Variants in TLN2 observed in about 807,000 individuals in gnomAD.
TLN2 encodes the protein talin 2.
In TLN2, 118 loss-of-function variants were observed where a neutral mutation model predicts 294.7. The ratio of observed to expected loss-of-function variants is 0.40; its 90% CI spans 0.34 to 0.47. TLN2 has a LOEUF of 0.47. Among genes scored for constraint, TLN2 ranks in the 20% least tolerant of loss-of-function variants. The probability of loss-of-function intolerance (pLI) is 0.84; values close to 1 mark genes in which losing one functional copy is unlikely to be tolerated. For synonymous variants in TLN2, 1,431 were observed against 1,304.5 expected, an observed-to-expected ratio of 1.10 and a Z score of -2.09; for missense variants, 3,083 against 3,282.2, an observed-to-expected ratio of 0.94 and a Z score of 1.48.
At chr15:62,471,938 T>C (rs1460508003) in intron 1 of TLN2, among the ~76,000 whole-genome samples, 2 of 152,176 alleles carry the variant, frequency 1.3e-5, no homozygotes, top group African/African-American at 2.4e-5. Flanking sequence ...TCTGCCCAGC[T>C]CGCAGTGGTG....
rs188123538 is a variant in TLN2 at position 62,545,129 on chromosome 15, G to A, written c.-237-44558G>A. ...TTTTTTTTGTATTTTTAGTAGAGACGGGGTTTCACTGTGTTAGCCAGGATG... is the reference window on the plus strand; with the variant it reads ...TTTTTTTTGTATTTTTAGTAGAGACAGGGTTTCACTGTGTTAGCCAGGATG... On this transcript the variant is annotated intron_variant, in intron 1 of 58. Coordinates refer to ENST00000636159, the MANE Select transcript of TLN2 (RefSeq NM_015059.3). Among the ~76,000 whole-genome samples the A allele has an allele frequency of 1.5e-3, 228 of 151,262 alleles. 3 individuals are homozygous for A. The East Asian group carries it at 0.022, about 15-fold the overall frequency.
intron 1 of TLN2, among the ~76,000 whole-genome samples, chr15:62,560,453 C>G (rs1002619978): frequency 6.6e-6 from 1 of 152,092 alleles, no homozygotes; most frequent in African/African-American, 2.4e-5. Flanking sequence ...AGTGGGCCCG[C>G]CTAGCTGGGA....
chr15:62,406,548 C>G (rs915796154), intron 1 of TLN2, among the ~76,000 whole-genome samples: 2 of 152,216 alleles, frequency 1.3e-5, no homozygotes, highest in African/African-American at 4.8e-5. Context: ...TATTTATACC[C>G]ACTTTAATAA....
chr15:62,398,618 T>A (rs1234144299), intron 1 of TLN2, among the ~76,000 whole-genome samples: 1 of 152,106 alleles, frequency 6.6e-6, no homozygotes, highest in Non-Finnish European at 1.5e-5. Flanking sequence ...CTGAGGTGGT[T>A]TCAGATGGAG....
At chr15:62,569,117 T>G (rs1325446856) in intron 1 of TLN2, among the ~76,000 whole-genome samples, 1 of 152,218 alleles carries the variant, frequency 6.6e-6, no homozygotes, top group Non-Finnish European at 1.5e-5. Context: ...CTTCATACAG[T>G]CTGCCTGTTC....
At position 62,564,905 on chromosome 15, in the gene TLN2, C is replaced by CA. The variant is rs60087745; in HGVS notation, c.-237-24761dup. On this transcript the variant is annotated intron_variant, in intron 1 of 58. Transcript: ENST00000636159. ...CCTGGGTGACAGAAAAACTCCATCT[C>CA]AAAAAAAAAAAAAAAAAAAAATATA... Among the ~76,000 whole-genome samples the CA allele has an allele frequency of 5.5e-3, 626 of 112,794 alleles. 10 individuals carry two copies. Among genetic ancestry groups the CA allele is most frequent in the African/African-American group, 0.021 (591 of 27,914 alleles). The allele number at this position is 112,794 out of a possible 152,430, so 74.0% of individuals were successfully genotyped here.
chr15:62,605,908 G>T (rs568660172), intron 2 of TLN2, among the ~76,000 whole-genome samples: 1 of 152,166 alleles, frequency 6.6e-6, no homozygotes, highest in Non-Finnish European at 1.5e-5. Context: ...AGGGGCAGAA[G>T]GGCAGTCTGT....
intron 54 of TLN2, among the ~76,000 whole-genome samples, chr15:62,823,463 C>G (rs2067756671): frequency 6.6e-6 from 1 of 152,162 alleles, no homozygotes; most frequent in South Asian, 2.1e-4. Flanking sequence ...TGTCAGTAAA[C>G]AATTGCTTAT....
intron 11 of TLN2, among the ~76,000 whole-genome samples, chr15:62,679,411 A>G (rs563691633): frequency 1.3e-5 from 2 of 149,538 alleles, no homozygotes; most frequent in African/African-American, 2.4e-5. Context: ...GTGTATCCTT[A>G]CAATGCAATA....
In TLN2 at chr15:62,417,274, C is replaced by T. The variant is rs1182043909; in HGVS notation, c.-238+26589C>T. Among the ~76,000 whole-genome samples the T allele has an allele frequency of 5.9e-5, 9 of 152,174 alleles. No homozygotes were observed. In the South Asian group the frequency reaches 1.0e-3, roughly 18 times the overall value. Reference sequence around the variant, plus strand: ...GTCGCCCTCTCCAGCGTGCTTCCTTCGGCATCTTTGTCCCTTCTTTGCTCT... The same window carrying T: ...GTCGCCCTCTCCAGCGTGCTTCCTTTGGCATCTTTGTCCCTTCTTTGCTCT... On this transcript the variant is annotated intron_variant, in intron 1 of 58. Coordinates refer to ENST00000636159, the MANE Select transcript of TLN2 (RefSeq NM_015059.3).
chr15:62,824,775 T>G (rs903166660), intron 54 of TLN2, among the ~76,000 whole-genome samples: 8 of 152,214 alleles, frequency 5.3e-5, no homozygotes. Flanking sequence ...CATAACAGCC[T>G]TCTTTGGTTG....
intron 1 of TLN2, among the ~76,000 whole-genome samples, chr15:62,519,624 A>G (rs1296053102): frequency 2.0e-5 from 3 of 152,200 alleles, no homozygotes; most frequent in African/African-American, 7.2e-5. Flanking sequence ...TAGGCTAGGA[A>G]GCAAAAGTGA....
intron 1 of TLN2, among the ~76,000 whole-genome samples, chr15:62,487,668 A>G (rs2140399660): frequency 6.6e-6 from 1 of 151,854 alleles, no homozygotes; most frequent in African/African-American, 2.4e-5. Context: ...TCCTGACCCT[A>G]TAAAAAATAA....
At chr15:62,594,786 A>G (rs1297002913) in intron 2 of TLN2, among the ~76,000 whole-genome samples, 2 of 152,246 alleles carry the variant, frequency 1.3e-5, no homozygotes, top group East Asian at 1.9e-4. Context: ...AGTGCAGGCA[A>G]TGAAAACAGA....
intron 43 of TLN2, among the ~76,000 whole-genome samples, chr15:62,780,699 C>T (rs182049956): frequency 6.6e-6 from 1 of 152,324 alleles, no homozygotes; most frequent in African/African-American, 2.4e-5. Context: ...TGGACTCGAC[C>T]ATTCCTCAGG....
intron 28 of TLN2, among the ~76,000 whole-genome samples, chr15:62,735,017 G>A (rs553160534): frequency 5.9e-5 from 9 of 152,352 alleles, no homozygotes; most frequent in Non-Finnish European, 8.8e-5. Context: ...GAGAGACACT[G>A]ATTTGCGTAT....
chr15:62,500,263 A>G (rs1454056215), intron 1 of TLN2, among the ~76,000 whole-genome samples: 1 of 152,156 alleles, frequency 6.6e-6, no homozygotes, highest in African/African-American at 2.4e-5. Context: ...GCTTGAACCC[A>G]GGAGATGGAG....
rs2054740960 is a variant in TLN2, at chr15:62,666,994, C to G, written c.789-6833C>G. ...TTCTTTTTCTTTTTTGAGATGGAGT[C>G]TCGCTCTGTCGCCCAGGCTGGAGTG... is the stretch of plus-strand genomic sequence containing the variant. On this transcript the variant is annotated intron_variant, in intron 9 of 58. Coordinates refer to ENST00000636159, the MANE Select transcript of TLN2 (RefSeq NM_015059.3). Among the ~76,000 whole-genome samples the G allele has an allele frequency of 2.6e-5, 4 of 152,192 alleles. No individual in the cohort carries two copies. In the South Asian group the frequency reaches 8.3e-4, roughly 32 times the overall value.
intron 12 of TLN2, among the ~76,000 whole-genome samples, chr15:62,692,342 G>T (rs781348473): frequency 1.3e-5 from 2 of 152,196 alleles, no homozygotes; most frequent in African/African-American, 4.8e-5. Context: ...CCATCCACCT[G>T]CCTGGGTTGT....
Sources: gnomAD v4.1 joint callset for allele counts (sites outside exome capture counted in the v4.1 genomes callset) on GRCh38, gnomAD v4.1.1 for gene constraint, MANE v1.5 for transcripts, NCBI Gene and HGNC (gene_info 2026-07-23, HGNC 2026-07-21) for gene names.